The following GLT8D2 variants were observed in gnomAD, a reference collection of about 807,000 sequenced individuals.
GLT8D2 encodes the protein glycosyltransferase 8 domain-containing protein 2.
GLT8D2 carries 45 observed loss-of-function variants against 44.5 expected under a neutral mutation model. That is an observed-to-expected ratio of 1.01 (90% CI 0.80 to 1.30). The LOEUF (loss-of-function observed/expected upper bound fraction) is 1.30, where lower values mean the gene tolerates loss of function less well. GLT8D2 is among the 50% of genes most tolerant of loss of function. The pLI is 0.00. For missense variants in GLT8D2, 400 were observed against 430.4 expected (o/e 0.93, Z 0.62); for synonymous variants, 156 against 157.2 (o/e 0.99, Z 0.06).
intron 5 of GLT8D2, 63 bp from the exon 6 acceptor site, chr12:103,999,577 G>T (rs1873938300): frequency 2.1e-6 from 2 of 948,858 alleles, no homozygotes; most frequent in South Asian, 1.3e-5. Flanking sequence ...TTTGCCTATT[G>T]CCCCAAGGTC....
intron 1 of GLT8D2, among the ~76,000 whole-genome samples, chr12:104,043,966 T>G (rs1039751969): frequency 2.0e-5 from 3 of 152,318 alleles, no homozygotes; most frequent in African/African-American, 7.2e-5. Context: ...TTGTCTCCCT[T>G]CAGCTGATTT....
intron 1 of GLT8D2, among the ~76,000 whole-genome samples, chr12:104,045,603 G>C (rs1300762855): frequency 2.0e-5 from 3 of 152,132 alleles, no homozygotes; most frequent in African/African-American, 7.2e-5. Context: ...AGCCCCTGAA[G>C]ACCTTGCATG....
chr12:104,014,112 C>G (rs546357424), intron 4 of GLT8D2: 14 of 536,912 alleles, frequency 2.6e-5, no homozygotes, highest in Admixed American at 1.9e-4. Context: ...GCCTGTAATC[C>G]CAGCACTTTG....
intron 1 of GLT8D2, among the ~76,000 whole-genome samples, chr12:104,038,751 C>T (rs1880206501): frequency 6.6e-6 from 1 of 152,168 alleles, no homozygotes; most frequent in Admixed American, 6.5e-5. Flanking sequence ...ATGCCATCCC[C>T]ATCAAGCTAC....
chr12:103,989,352 T>C lies in GLT8D2; in HGVS notation c.*56A>G. ...CATAAAGAACAATGTTATAGTTGGC[T>C]ACAAAGGGACAATTCCACATTTCTA... is the stretch of plus-strand genomic sequence containing the variant. On this transcript the variant is annotated 3_prime_UTR_variant, in exon 11 of 11. Transcript: ENST00000360814. 7.1e-7 allele frequency: 1 copy of C among 1,416,846 alleles called. No individual in the cohort carries two copies. Among genetic ancestry groups the C allele is most frequent in the Non-Finnish European group, 9.6e-7 (1 of 1,038,490 alleles). 87.8% of individuals were successfully genotyped at this position (1,416,846 alleles called of 1,614,324 possible). A position where few individuals can be genotyped will look rare whatever the true frequency, so the allele number is the denominator to read the frequency against.
chr12:103,994,608 G>T, intron 8 of GLT8D2, 107 bp from the exon 9 acceptor site: 1 of 942,390 alleles, frequency 1.1e-6, no homozygotes, highest in Non-Finnish European at 1.6e-6. Flanking sequence ...TTCCTCCTGT[G>T]TCACTGGCCA....
chr12:104,025,468 C>T (rs907259676), intron 1 of GLT8D2, among the ~76,000 whole-genome samples: 1 of 152,092 alleles, frequency 6.6e-6, no homozygotes, highest in African/African-American at 2.4e-5. Flanking sequence ...CTTGACTTCT[C>T]AAAGTGCTGG....
chr12:103,998,861 T>C (rs1160307533), intron 6 of GLT8D2, among the ~76,000 whole-genome samples: 4 of 152,200 alleles, frequency 2.6e-5, no homozygotes, highest in African/African-American at 7.2e-5. Flanking sequence ...ACACCACTTT[T>C]TATGCAGGAG....
intron 3 of GLT8D2, among the ~76,000 whole-genome samples, chr12:104,018,812 T>G (rs1877232620): frequency 6.6e-6 from 1 of 152,200 alleles, no homozygotes; most frequent in Non-Finnish European, 1.5e-5. Context: ...CAAATTTAAC[T>G]GGTTGTCCTG....
rs375188513 is a variant in GLT8D2, at chr12:103,994,350, A to G, written c.752T>C (p.Met251Thr). 15 of 1,611,852 alleles carry G rather than the reference A, an allele frequency of 9.3e-6. No individual in the cohort carries two copies. Among genetic ancestry groups the G allele is most frequent in the East Asian group, 6.7e-5 (3 of 44,850 alleles). The change falls in exon 9 of 11, where the codon ATG (methionine) becomes ACG (threonine). Residue 251 changes from methionine (M) to threonine (T), a missense_variant. Physicochemically the swap from Met to Thr is moderately conservative, Grantham distance 81. Transcript: ENST00000360814. ...QRITKQLEKW[M>T]QKNVEENLYS... is the part of the protein sequence containing the mutation. Reference sequence around the variant, plus strand: ...CTTCACGTACTCCACATTCTTTTGCATCCATTTCTCCAATTGCTTGGTGAT... The same window carrying G: ...CTTCACGTACTCCACATTCTTTTGCGTCCATTTCTCCAATTGCTTGGTGAT...
At chr12:104,024,152 T>A (rs1878259517) in intron 1 of GLT8D2, among the ~76,000 whole-genome samples, 1 of 152,096 alleles carries the variant, frequency 6.6e-6, no homozygotes, top group Admixed American at 6.5e-5. Flanking sequence ...GAAGCCAAGA[T>A]GGGAGGACCA....
chr12:104,030,153 T>C (rs1380823109), intron 1 of GLT8D2, among the ~76,000 whole-genome samples: 1 of 152,048 alleles, frequency 6.6e-6, no homozygotes. Flanking sequence ...CATAGATCAA[T>C]GGAACATAGA....
At chr12:104,024,089 T>C (rs1399681821) in intron 1 of GLT8D2, among the ~76,000 whole-genome samples, 1 of 152,126 alleles carries the variant, frequency 6.6e-6, no homozygotes, top group East Asian at 1.9e-4. Context: ...CTATAAGAAA[T>C]TGCCAATCTA....
chr12:103,998,328 A>G (rs1235369007), intron 6 of GLT8D2, among the ~76,000 whole-genome samples: 2 of 150,616 alleles, frequency 1.3e-5, no homozygotes, highest in African/African-American at 4.9e-5. Flanking sequence ...TCGAACTCCC[A>G]GACTCAAACA....
intron 4 of GLT8D2, among the ~76,000 whole-genome samples, chr12:104,010,619 A>T (rs1280053137): frequency 6.6e-6 from 1 of 152,050 alleles, no homozygotes; most frequent in Non-Finnish European, 1.5e-5. Flanking sequence ...CAGCTGTCCC[A>T]GTGCCTGGCA....
chr12:104,019,240 GC>G (rs751622857), intron 3 of GLT8D2, among the ~76,000 whole-genome samples: 8 of 150,170 alleles, frequency 5.3e-5, no homozygotes, highest in Non-Finnish European at 1.0e-4. Context: ...TGATCCCCCT[GC>G]CTCAGCCTCC....
In GLT8D2 at chr12:104,019,515, C is replaced by T. The variant is rs1447070974; in HGVS notation, c.19+115G>A. ...ATGCCAAAAAGTGCCTGTGGGAAAA[C>T]TATCCATGAAAATCAAACACAATCC... On this transcript the variant is annotated intron_variant, in intron 3 of 10. Transcript: ENST00000360814. 6.2e-6 allele frequency: 5 copies of T among 810,932 alleles called. No homozygotes were observed. The East Asian group carries it at 1.4e-4, about 22-fold the overall frequency. The allele number at this position is 810,932 out of a possible 1,614,324, so 50.2% of individuals were successfully genotyped here. A position where few individuals can be genotyped will look rare whatever the true frequency, so the allele number is the denominator to read the frequency against.
intron 1 of GLT8D2, among the ~76,000 whole-genome samples, chr12:104,039,694 G>T (rs1880323938): frequency 6.6e-6 from 1 of 152,232 alleles, no homozygotes; most frequent in South Asian, 2.1e-4. Flanking sequence ...TAACACTGTT[G>T]GTGGGAGTGT....
chr12:104,028,289 T>C (rs761443164), intron 1 of GLT8D2, among the ~76,000 whole-genome samples: 2 of 152,128 alleles, frequency 1.3e-5, no homozygotes, highest in Non-Finnish European at 2.9e-5. Context: ...TGTGTGTGTG[T>C]GCATGTGCGT....
Sources: gnomAD v4.1 joint callset for allele counts (sites outside exome capture counted in the v4.1 genomes callset) on GRCh38, gnomAD v4.1.1 for gene constraint, MANE v1.5 for transcripts, NCBI Gene and HGNC (gene_info 2026-07-23, HGNC 2026-07-21) for gene names.